The following ARFRP1 variants were observed in gnomAD, a reference collection of about 807,000 sequenced individuals.
The protein encoded by ARFRP1 is ARF related protein 1.
ARFRP1 carries 19 observed loss-of-function variants against 30.3 expected under a neutral mutation model. That is an observed-to-expected ratio of 0.63 (90% CI 0.44 to 0.92). The LOEUF (loss-of-function observed/expected upper bound fraction) is 0.92. Ranked by LOEUF, ARFRP1 falls within the 40% of genes least tolerant of loss-of-function variation. The pLI, the probability that ARFRP1 is intolerant of heterozygous loss-of-function variation, is 0.00. For missense variants in ARFRP1, 245 were observed against 267.5 expected (o/e 0.92, Z 0.59); for synonymous variants, 133 against 114.2 (o/e 1.16, Z -1.05).
In ARFRP1 at chr20:63,702,117, G is replaced by A. The variant is rs1451684264; in HGVS notation, c.346+19C>T. On this transcript the variant is annotated intron_variant, in intron 5 of 7. Transcript: ENST00000622789. ...CCACTCACCATCCATCCCTCCCAGA[G>A]CAGCCAGGCCGCACTCACCAAACGC... is the stretch of plus-strand genomic sequence containing the variant. 1 of 1,606,344 alleles carries A rather than the reference G, an allele frequency of 6.2e-7. No individual in the cohort carries two copies. Among genetic ancestry groups the A allele is most frequent in the East Asian group, 2.2e-5 (1 of 44,814 alleles).
chr20:63,700,818 A>C, intron 6 of ARFRP1, 116 bp from the exon 7 acceptor site: 4 of 1,390,080 alleles, frequency 2.9e-6, no homozygotes, highest in South Asian at 1.3e-5. Context: ...CCAGAGCTCC[A>C]CCAGGGTCCC....
rs1191817516 is a variant in ARFRP1, at chr20:63,700,476, C to T, written c.573G>A (p.Val191=). The T allele has an allele frequency of 1.2e-6, 2 of 1,609,988 alleles. No homozygotes were observed. The highest frequency in any genetic ancestry group is 8.5e-7 in the Non-Finnish European group (1 of 1,179,860). The change falls in exon 8 of 8, where the codon GTG becomes GTA. Residue 191 remains valine, a synonymous_variant. Transcript: ENST00000622789. ...EWMVKCVVRN[V]HRPPRQRDIT Reference sequence around the variant, plus strand: ...TGTCCCTCTGCCGCGGCGGCCGGTGCACATTCCGCACGACACACTTCACCA... The same window carrying T: ...TGTCCCTCTGCCGCGGCGGCCGGTGTACATTCCGCACGACACACTTCACCA...
rs950839637 is a variant in ARFRP1 at position 63,702,005 on chromosome 20, C to A, written c.347-105G>T. ...GTGACAGCCACTCCCTCTGCCCCCCCCCCCCCCGTCACCCACTAGGCAGGA... is the reference window on the plus strand; with the variant it reads ...GTGACAGCCACTCCCTCTGCCCCCCACCCCCCCGTCACCCACTAGGCAGGA... On this transcript the variant is annotated intron_variant, in intron 5 of 7. Transcript: ENST00000622789. 31 of 967,268 alleles carry A rather than the reference C, an allele frequency of 3.2e-5. 1 individual carries two copies. Among genetic ancestry groups the A allele is most frequent in the African/African-American group, 1.8e-4 (9 of 50,616 alleles). The allele number at this position is 967,268 out of a possible 1,614,324, so 59.9% of individuals were successfully genotyped here.
Position 63,698,710 on chromosome 20 carries a change from G to A in ARFRP1, c.*1733C>T. 3 of 1,050,274 alleles carry A rather than the reference G, an allele frequency of 2.9e-6. No homozygotes were observed. Among genetic ancestry groups the A allele is most frequent in the Non-Finnish European group, 3.8e-6 (3 of 783,952 alleles). The allele number at this position is 1,050,274 out of a possible 1,614,324, so 65.1% of individuals were successfully genotyped here. On this transcript the variant is annotated 3_prime_UTR_variant, in exon 8 of 8. Coordinates refer to ENST00000622789, the MANE Select transcript of ARFRP1 (RefSeq NM_001267547.3). Reference sequence around the variant, plus strand: ...CTGGTTGTAGTTGCACAGCTACTGGGAGGGCAGCCGGGGACACCTGAGCCG... The same window carrying A: ...CTGGTTGTAGTTGCACAGCTACTGGAAGGGCAGCCGGGGACACCTGAGCCG...
intron 3 of ARFRP1, 41 bp downstream of exon 3, chr20:63,706,610 C>T (rs774751038): frequency 6.4e-7 from 1 of 1,562,792 alleles, no homozygotes; most frequent in South Asian, 1.1e-5. Context: ...TCACGGCATC[C>T]TCAAGGCCCC....
intron 4 of ARFRP1, chr20:63,705,401 G>C: frequency 3.7e-6 from 1 of 268,510 alleles, no homozygotes; most frequent in Non-Finnish European, 7.5e-6. Flanking sequence ...GCCAGCCTAG[G>C]GCAGGGAGCC....
intron 4 of ARFRP1, chr20:63,702,499 T>G: frequency 4.6e-6 from 2 of 437,676 alleles, no homozygotes; most frequent in Non-Finnish European, 4.2e-6. Flanking sequence ...ACACTTATTA[T>G]CCCAACACTT....
At chr20:63,707,184 T>A in intron 1 of ARFRP1, 87 bp from the exon 2 acceptor site, 1 of 1,154,726 alleles carries the variant, frequency 8.7e-7, no homozygotes. Flanking sequence ...GCGCCCCACG[T>A]CCAGCCGACC....
chr20:63,706,211 A>T (rs1195562208), intron 4 of ARFRP1, 146 bp downstream of exon 4: 16 of 758,378 alleles, frequency 2.1e-5, no homozygotes, highest in Non-Finnish European at 2.2e-5. Context: ...ACAGGGAGCC[A>T]CTCGGGAACC....
intron 4 of ARFRP1, 78 bp from the exon 5 acceptor site, chr20:63,702,295 A>G: frequency 1.5e-6 from 2 of 1,367,686 alleles, no homozygotes; most frequent in Non-Finnish European, 2.1e-6. Context: ...TGTCATGGCC[A>G]CAGTGAGGGG....
chr20:63,702,482 G>A, intron 4 of ARFRP1: 1 of 505,384 alleles, frequency 2.0e-6, no homozygotes, highest in Non-Finnish European at 3.6e-6. Context: ...GCCAGGCGTG[G>A]TGGCTCACAC....
At chr20:63,701,142 C>T in intron 6 of ARFRP1, 2 of 434,062 alleles carry the variant, frequency 4.6e-6, no homozygotes, top group South Asian at 1.7e-5. Flanking sequence ...CTTCAAAAAG[C>T]AGCCCTCCCC....
rs2091224285 is a variant in ARFRP1, at chr20:63,701,919, G to A, written c.347-19C>T. ...ACCTTCTCTGGGGAGGGCAGGAGAG[G>A]CAGCGCCTCACACCCAGCATCCTGC... On this transcript the variant is annotated intron_variant, in intron 5 of 7. Transcript: ENST00000622789. 1 of 1,548,820 alleles carries A rather than the reference G, an allele frequency of 6.5e-7. No homozygotes were observed. Among genetic ancestry groups the A allele is most frequent in the South Asian group, 1.2e-5 (1 of 84,066 alleles).
chr20:63,706,465 G>A, intron 3 of ARFRP1, 26 bp from the exon 4 acceptor site: 1 of 1,608,778 alleles, frequency 6.2e-7, no homozygotes, highest in Non-Finnish European at 8.5e-7. Context: ...AACAGGCAAG[G>A]CTCATGACCT....
intron 6 of ARFRP1, 56 bp downstream of exon 6, chr20:63,701,774 T>C: frequency 6.7e-7 from 1 of 1,492,152 alleles, no homozygotes; most frequent in Non-Finnish European, 9.1e-7. Flanking sequence ...CTCCCCTTGC[T>C]GTGGGGGAGG....
At chr20:63,706,943 C>T in intron 2 of ARFRP1, 56 bp downstream of exon 2, 4 of 1,598,872 alleles carry the variant, frequency 2.5e-6, no homozygotes, top group South Asian at 1.1e-5. Context: ...AGCACAAAAC[C>T]GAAGGGGGCG....
Position 63,700,624 on chromosome 20 carries a change from G to C in ARFRP1, c.496C>G (p.Gln166Glu). The change falls in exon 7 of 8, where the codon CAG (glutamine) becomes GAG (glutamate). Residue 166 changes from glutamine to glutamate, a missense_variant. Physicochemically the swap from Gln to Glu is conservative, Grantham distance 29. Transcript: ENST00000622789. ...CACCCTGTGAGGGCCGAGCAGGCCT[G>C]GGTCAGGCAATCTCGCCTGCCGATC... is the stretch of plus-strand genomic sequence containing the variant. ...SKIGRRDCLT[Q>E]ACSALTGKGV... 6.2e-7 allele frequency: 1 copy of C among 1,610,752 alleles called. No individual in the cohort carries two copies. Among genetic ancestry groups the C allele is most frequent in the Non-Finnish European group, 8.5e-7 (1 of 1,179,836 alleles).
rs774556927 is a variant in ARFRP1 at position 63,706,463 on chromosome 20, A to C, written c.182-24T>G. On this transcript the variant is annotated intron_variant, in intron 3 of 7. Transcript: ENST00000622789. ...GACTGGGGAGAGGAGGAAACAGGCAAGGCTCATGACCTTGGTCCTCGACAC... is the reference window on the plus strand; with the variant it reads ...GACTGGGGAGAGGAGGAAACAGGCACGGCTCATGACCTTGGTCCTCGACAC... 3.7e-6 allele frequency: 6 copies of C among 1,610,204 alleles called. No individual in the cohort carries two copies. In the African/African-American group the frequency reaches 6.7e-5, roughly 18 times the overall value.
intron 4 of ARFRP1, chr20:63,705,594 G>A (rs376639829): frequency 3.7e-5 from 19 of 517,926 alleles, no homozygotes; most frequent in African/African-American, 3.3e-4. Flanking sequence ...GTCTTCTGGT[G>A]ATCATGGAAG....
Sources: gnomAD v4.1 joint callset for allele counts on GRCh38, gnomAD v4.1.1 for gene constraint, MANE v1.5 for transcripts, NCBI Gene and HGNC (gene_info 2026-07-23, HGNC 2026-07-21) for gene names.